Variants in AUP1 observed in about 807,000 individuals in gnomAD.
AUP1 encodes the protein AUP1 lipid droplet regulating VLDL assembly factor.
AUP1 carries 30 observed loss-of-function variants against 51.8 expected under a neutral mutation model. The ratio of observed to expected loss-of-function variants is 0.58; its 90% CI spans 0.43 to 0.79. The LOEUF (loss-of-function observed/expected upper bound fraction) is 0.79. AUP1 is among the 30% of genes least tolerant of loss of function. The pLI is 0.00. For synonymous variants in AUP1, 227 were observed against 209.0 expected, an observed-to-expected ratio of 1.09 and a Z score of -0.74; for missense variants, 492 against 517.1, an observed-to-expected ratio of 0.95 and a Z score of 0.47.
At position 74,528,416 on chromosome 2, in the gene AUP1, CCA is replaced by C; in HGVS notation, c.596_597del (p.Val199AspfsTer39). On this transcript the variant is annotated frameshift_variant and splice_region_variant, in exon 5 of 12. Coordinates refer to ENST00000377526, the MANE Select transcript of AUP1 (RefSeq NM_181575.5). LOFTEE classifies it high-confidence loss of function. ...TLQVQRPLVS[V>X]TVSDASWVSE... ...AGATTCCCTGTTCAACACACACTCA[CCA>C]CAGAGACCAGGGGTCTCTGAACTTG... The C allele has an allele frequency of 5.0e-6, 8 of 1,613,462 alleles. No homozygotes were observed. The highest frequency in any genetic ancestry group is 2.7e-5 in the African/African-American group (2 of 75,006).
At chr2:74,528,180 A>G in intron 6 of AUP1, 68 bp downstream of exon 6, 1 of 1,525,634 alleles carries the variant, frequency 6.6e-7, no homozygotes, top group East Asian at 2.3e-5. Flanking sequence ...GACAGGGCAG[A>G]GGCCACTAAT....
chr2:74,529,122 T>TCTCA lies in AUP1; in HGVS notation c.339+6_339+9dup. On this transcript the variant is annotated intron_variant, in intron 3 of 11. Coordinates refer to ENST00000377526, the MANE Select transcript of AUP1 (RefSeq NM_181575.5). ...CGCCCCGTGGCGCTCTCGGCCTCGC[T>TCTCA]CTCACTCACGGTGCTACAGGTGGTA... The TCTCA allele has an allele frequency of 6.2e-7, 1 of 1,614,200 alleles. No homozygotes were observed. The highest frequency in any genetic ancestry group is 8.5e-7 in the Non-Finnish European group (1 of 1,180,030).
chr2:74,529,037 G>C (rs528473552), intron 3 of AUP1, 95 bp downstream of exon 3: 2 of 1,606,144 alleles, frequency 1.2e-6, no homozygotes, highest in South Asian at 1.1e-5. Context: ...GTAAGGCTCA[G>C]TATCCTCCAT....
Position 74,528,574 on chromosome 2 carries a change from A to T in AUP1, c.525-85T>A, listed in dbSNP as rs577407632. On this transcript the variant is annotated intron_variant, in intron 4 of 11. Transcript: ENST00000377526. ...CTGCCTTATAACAGGCAACTGTCAA[A>T]CTCTACAAGCACATAATTGAAGAAT... is the stretch of plus-strand genomic sequence containing the variant. 3.8e-5 allele frequency: 54 copies of T among 1,422,446 alleles called. No homozygotes were observed. In the South Asian group the frequency reaches 6.1e-4, roughly 16 times the overall value. The allele number at this position is 1,422,446 out of a possible 1,614,324, so 88.1% of individuals were successfully genotyped here.
Position 74,529,571 on chromosome 2 carries a change from G to A in AUP1, c.50+9C>T, listed in dbSNP as rs1051024259. ...GCGGGGATCGGTCTCTTCCCGCCGG[G>A]TCTCTTACCGGTGCGAGTCAAAGAG... On this transcript the variant is annotated intron_variant, in intron 1 of 11. Coordinates refer to ENST00000377526, the MANE Select transcript of AUP1 (RefSeq NM_181575.5). The A allele has an allele frequency of 1.9e-5, 30 of 1,560,678 alleles. No individual in the cohort carries two copies. The Admixed American group carries it at 5.3e-4, about 27-fold the overall frequency.
chr2:74,527,450 T>C (rs765344945), intron 9 of AUP1, 21 bp downstream of exon 9: 4 of 1,611,104 alleles, frequency 2.5e-6, no homozygotes, highest in Non-Finnish European at 3.4e-6. Context: ...TCTCCCAGTG[T>C]GGGGCCACCC....
rs1675260303 is a variant in AUP1 at position 74,527,731 on chromosome 2, C to A, written c.841+5G>T. ...CAAAAGCTGTAATGTATAGAGACCA[C>A]ATACCTGACTGGGGGCGCAATCTGG... On this transcript the variant is annotated splice_donor_5th_base_variant and intron_variant, in intron 8 of 11. Transcript: ENST00000377526. 6.2e-7 allele frequency: 1 copy of A among 1,613,674 alleles called. No individual in the cohort carries two copies. The highest frequency in any genetic ancestry group is 1.7e-5 in the Admixed American group (1 of 60,002).
rs752857814 is a variant in AUP1, at chr2:74,529,238, C to T, written c.233G>A (p.Arg78Gln). The T allele has an allele frequency of 6.2e-6, 10 of 1,614,096 alleles. No homozygotes were observed. Among genetic ancestry groups the T allele is most frequent in the East Asian group, 2.2e-5 (1 of 44,890 alleles). The change falls in exon 3 of 12, where the codon CGG (arginine) becomes CAG (glutamine). Residue 78 changes from arginine to glutamine, a missense_variant. Transcript: ENST00000377526. Reference protein sequence around the residue: ...TMCAVLGLVARQEDSGLRDHS... With the variant: ...TMCAVLGLVAQQEDSGLRDHS... ...ATCCCGGAGTCCGGAGTCCTCCTGC[C>T]GGGCCACGAGCCCTAGCACCGCACA...
chr2:74,526,794 T>C lies in AUP1; in HGVS notation c.*6A>G. On this transcript the variant is annotated 3_prime_UTR_variant, in exon 12 of 12. Transcript: ENST00000377526. ...CGGCTCTGGGTGCCATCCTGTTCCT[T>C]TGAGCTCAGTCAGCCTCCTGGGCTC... 1 of 1,536,714 alleles carries C rather than the reference T, an allele frequency of 6.5e-7. No homozygotes were observed. The highest frequency in any genetic ancestry group is 8.8e-7 in the Non-Finnish European group (1 of 1,141,346).
chr2:74,528,670 C>A, intron 4 of AUP1, 81 bp downstream of exon 4: 1 of 1,487,870 alleles, frequency 6.7e-7, no homozygotes, highest in South Asian at 1.3e-5. Context: ...GGTCTAAGGG[C>A]CGAAGAAAGT....
intron 6 of AUP1, 72 bp from the exon 7 acceptor site, chr2:74,528,078 A>G: frequency 2.6e-6 from 4 of 1,562,592 alleles, no homozygotes; most frequent in Non-Finnish European, 3.5e-6. Flanking sequence ...CCACTTTGGT[A>G]CCTCTTTGCA....
At chr2:74,529,308 T>G (rs752665073) in intron 2 of AUP1, 26 bp from the exon 3 acceptor site, 5 of 1,614,020 alleles carry the variant, frequency 3.1e-6, no homozygotes, top group Non-Finnish European at 3.4e-6. Flanking sequence ...GTGGTGACTG[T>G]GTGGCCTCGG....
Position 74,528,332 on chromosome 2 carries a change from G to A in AUP1, c.598-11C>T, listed in dbSNP as rs373452120. The A allele has an allele frequency of 1.2e-6, 2 of 1,614,026 alleles. No individual in the cohort carries two copies. Among genetic ancestry groups the A allele is most frequent in the Admixed American group, 1.7e-5 (1 of 60,026 alleles). ...GGCATCTGACACCGTCTGAGGGGAG[G>A]GCATGAGATGAGGCCTAAGCCAGGG... On this transcript the variant is annotated splice_polypyrimidine_tract_variant and intron_variant, in intron 5 of 11. Transcript: ENST00000377526.
chr2:74,529,297 G>C lies in AUP1; in HGVS notation c.189-15C>G, dbSNP rs767386400. On this transcript the variant is annotated splice_polypyrimidine_tract_variant and intron_variant, in intron 2 of 11. Transcript: ENST00000377526. ...GCACTACGAATCTGGGGACACAGGA[G>C]GTGGTGACTGTGTGGCCTCGGGCCA... 1 of 1,614,034 alleles carries C rather than the reference G, an allele frequency of 6.2e-7. No individual in the cohort carries two copies. The highest frequency in any genetic ancestry group is 1.3e-5 in the African/African-American group (1 of 74,958).
intron 10 of AUP1, 36 bp downstream of exon 10, chr2:74,527,212 C>T (rs753956503): frequency 5.0e-6 from 8 of 1,606,368 alleles, no homozygotes; most frequent in Non-Finnish European, 6.8e-6. Flanking sequence ...CCCAACTCAC[C>T]CCAACACTTG....
chr2:74,528,190 T>C, intron 6 of AUP1, 58 bp downstream of exon 6: 2 of 1,549,386 alleles, frequency 1.3e-6, no homozygotes, highest in Non-Finnish European at 1.8e-6. Context: ...AGGCCACTAA[T>C]TCCTTGACCT....
At position 74,529,297 on chromosome 2, in the gene AUP1, G is replaced by T. The variant is rs767386400; in HGVS notation, c.189-15C>A. 4 of 1,614,034 alleles carry T rather than the reference G, an allele frequency of 2.5e-6. No homozygotes were observed. Among genetic ancestry groups the T allele is most frequent in the East Asian group, 4.5e-5 (2 of 44,894 alleles). On this transcript the variant is annotated splice_polypyrimidine_tract_variant and intron_variant, in intron 2 of 11. Transcript: ENST00000377526. Reference sequence around the variant, plus strand: ...GCACTACGAATCTGGGGACACAGGAGGTGGTGACTGTGTGGCCTCGGGCCA... The same window carrying T: ...GCACTACGAATCTGGGGACACAGGATGTGGTGACTGTGTGGCCTCGGGCCA...
rs1367260238 is a variant in AUP1 at position 74,529,351 on chromosome 2, C to T, written c.188+11G>A. On this transcript the variant is annotated intron_variant, in intron 2 of 11. Coordinates refer to ENST00000377526, the MANE Select transcript of AUP1 (RefSeq NM_181575.5). ...CCAGCTCTGACACTCCCCGAACGCC[C>T]GCGTCGGAACCTGCGAAGGACGCTG... The T allele has an allele frequency of 1.2e-6, 2 of 1,612,500 alleles. No homozygotes were observed. Among genetic ancestry groups the T allele is most frequent in the Admixed American group, 1.7e-5 (1 of 59,796 alleles).
chr2:74,527,628 T>G (rs754448646), intron 8 of AUP1, 38 bp from the exon 9 acceptor site: 1 of 1,588,580 alleles, frequency 6.3e-7, no homozygotes, highest in Non-Finnish European at 8.5e-7. Flanking sequence ...GAAATTCTGG[T>G]AAGTAGAGAA....
Sources: allele counts gnomAD v4.1 joint callset, GRCh38; gene constraint gnomAD v4.1.1; transcripts MANE v1.5; gene names NCBI Gene and HGNC (gene_info 2026-07-23, HGNC 2026-07-21).